PTPRT: variants seen among roughly 807,000 people sequenced by gnomAD.
The protein encoded by PTPRT is protein tyrosine phosphatase receptor type T, also known as receptor-type tyrosine-protein phosphatase T.
In PTPRT, 56 loss-of-function variants were observed where a neutral mutation model predicts 176.8. The ratio of observed to expected loss-of-function variants is 0.32; its 90% confidence interval spans 0.26 to 0.40. The LOEUF (loss-of-function observed/expected upper bound fraction) is 0.40, where lower values mean the gene tolerates loss of function less well. Ranked by LOEUF, PTPRT falls within the 10% of genes least tolerant of loss-of-function variation. The probability of loss-of-function intolerance (pLI) is 1.00; values close to 1 mark genes in which losing one functional copy is unlikely to be tolerated. For synonymous variants in PTPRT, 783 were observed against 739.0 expected (o/e 1.06, Z -0.96); for missense variants, 1,540 against 1,908.2 (o/e 0.81, Z 3.60).
chr20:42,199,200 G>C (rs1414438015), intron 16 of PTPRT, 40 bp downstream of exon 16: 30 of 1,606,684 alleles, frequency 1.9e-5, no homozygotes, highest in Middle Eastern at 1.7e-4. Context: ...GGCTGAGCTG[G>C]ACCACGGATG....
intron 1 of PTPRT, among the ~76,000 whole-genome samples, chr20:42,888,605 C>A (rs2079141299): frequency 6.6e-6 from 1 of 152,176 alleles, no homozygotes; most frequent in Admixed American, 6.5e-5. Flanking sequence ...CCATGCCCAT[C>A]CTAATAGACC....
chr20:42,362,097 C>T (rs925527041), intron 9 of PTPRT, among the ~76,000 whole-genome samples: 65 of 152,052 alleles, frequency 4.3e-4, no homozygotes, highest in African/African-American at 1.5e-3. Context: ...TCCATCTCCA[C>T]AAAAAATTTT....
At chr20:42,371,227 A>T (rs1333760183) in intron 9 of PTPRT, among the ~76,000 whole-genome samples, 1 of 152,206 alleles carries the variant, frequency 6.6e-6, no homozygotes, top group Admixed American at 6.5e-5. Flanking sequence ...GATCTGTACC[A>T]CTGGTCGGTG....
intron 1 of PTPRT, among the ~76,000 whole-genome samples, chr20:43,139,018 G>A (rs1405293662): frequency 6.6e-6 from 1 of 152,198 alleles, no homozygotes; most frequent in Admixed American, 6.5e-5. Flanking sequence ...GAGAAACACT[G>A]CAGAGATTCT....
intron 7 of PTPRT, among the ~76,000 whole-genome samples, chr20:42,643,269 A>AT (rs1279488861): frequency 6.6e-6 from 1 of 152,124 alleles, no homozygotes; most frequent in Non-Finnish European, 1.5e-5. Context: ...TGTATCATTT[A>AT]TTCCTTATAC....
intron 1 of PTPRT, among the ~76,000 whole-genome samples, chr20:43,170,814 C>G (rs2014978563): frequency 6.6e-6 from 1 of 152,214 alleles, no homozygotes; most frequent in African/African-American, 2.4e-5. Context: ...TGCCTCTTCT[C>G]TTTCCAACAT....
At chr20:42,104,527 A>C in intron 25 of PTPRT, 42 bp downstream of exon 25, 2 of 1,568,252 alleles carry the variant, frequency 1.3e-6, no homozygotes, top group Non-Finnish European at 1.7e-6. Flanking sequence ...ATAACAACCC[A>C]AACTGACTAA....
intron 9 of PTPRT, among the ~76,000 whole-genome samples, chr20:42,378,098 C>T (rs748576697): frequency 2.2e-4 from 34 of 152,150 alleles, no homozygotes; most frequent in Non-Finnish European, 4.0e-4. Context: ...TGGAGCCAAA[C>T]CGACATTTGA....
chr20:42,043,886 C>A, the PTPRT span, among the ~76,000 whole-genome samples: 1 of 152,168 alleles, frequency 6.6e-6, no homozygotes, highest in East Asian at 1.9e-4. Flanking sequence ...AGGGCTGGGA[C>A]TAGAGTGAGA....
chr20:42,954,597 C>T (rs1055066015), intron 1 of PTPRT, among the ~76,000 whole-genome samples: 7 of 150,388 alleles, frequency 4.7e-5, no homozygotes, highest in East Asian at 3.9e-4. Context: ...GCTCAGTCAA[C>T]GTGCGTGTTT....
rs2056499132 is a variant in PTPRT at position 42,248,737 on chromosome 20, G to A, written c.2262C>T (p.Leu754=). The A allele has an allele frequency of 4.3e-6, 7 of 1,613,904 alleles. No individual in the cohort carries two copies. The South Asian group carries it at 5.5e-5, about 13-fold the overall frequency. The part of the protein sequence containing the change: ...TVKMAGVIAG[L]LMFIIILLGV... The stretch of plus-strand genomic sequence containing the variant: ...CCAGGAGAATGATGATGAACATGAG[G>A]AGGCCAGCGATCACGCCAGCCATCT... The change falls in exon 14 of 31, where the codon CTC becomes CTT. Residue 754 remains leucine (L), a synonymous_variant. Coordinates refer to ENST00000373187, the MANE Select transcript of PTPRT (RefSeq NM_007050.6).
chr20:42,176,214 T>C (rs1045718166), intron 16 of PTPRT, among the ~76,000 whole-genome samples: 1 of 152,194 alleles, frequency 6.6e-6, no homozygotes, highest in Non-Finnish European at 1.5e-5. Context: ...CCCTCCACCT[T>C]GTTGATAAAT....
chr20:42,913,050 A>T (rs1459178764), intron 1 of PTPRT, among the ~76,000 whole-genome samples: 2 of 152,180 alleles, frequency 1.3e-5, no homozygotes, highest in East Asian at 3.9e-4. Context: ...TAGTCTCTCC[A>T]TCAGTAAAAT....
intron 3 of PTPRT, among the ~76,000 whole-genome samples, chr20:42,783,386 A>C (rs948139701): frequency 1.4e-5 from 2 of 145,098 alleles, no homozygotes; most frequent in African/African-American, 2.5e-5. Context: ...AAAAAAAAAA[A>C]CCCAAATCAT....
intron 7 of PTPRT, among the ~76,000 whole-genome samples, chr20:42,534,504 C>T (rs948811458): frequency 3.7e-4 from 57 of 152,134 alleles, no homozygotes; most frequent in African/African-American, 1.3e-3. Flanking sequence ...GGCATGGTGG[C>T]GAGCGCCTGT....
intron 7 of PTPRT, among the ~76,000 whole-genome samples, chr20:42,554,657 A>G (rs2072829329): frequency 6.6e-6 from 1 of 152,204 alleles, no homozygotes; most frequent in Admixed American, 6.5e-5. Context: ...ATTTTTGATG[A>G]TAAGTGCAGG....
intron 6 of PTPRT, among the ~76,000 whole-genome samples, chr20:42,740,379 G>T (rs1298150407): frequency 1.3e-5 from 2 of 152,200 alleles, no homozygotes; most frequent in African/African-American, 4.8e-5. Flanking sequence ...TATCCAGTTA[G>T]AGTTGGGTGG....
chr20:42,347,479 G>T (rs148392190), intron 11 of PTPRT, among the ~76,000 whole-genome samples: 93 of 152,224 alleles, frequency 6.1e-4, no homozygotes, highest in African/African-American at 2.2e-3. Flanking sequence ...TCTTACAGTG[G>T]AACTGCAGAA....
chr20:43,087,589 C>G (rs941454960), intron 1 of PTPRT, among the ~76,000 whole-genome samples: 1 of 152,034 alleles, frequency 6.6e-6, no homozygotes, highest in African/African-American at 2.4e-5. Context: ...GTCTCAAACT[C>G]CTGACCTCAA....
Sources: allele counts gnomAD v4.1 joint callset (sites outside exome capture counted in the v4.1 genomes callset), GRCh38; gene constraint gnomAD v4.1.1; transcripts MANE v1.5; gene names NCBI Gene and HGNC (gene_info 2026-07-23, HGNC 2026-07-21).